The following SH3GL3 variants were observed in gnomAD, a reference collection of about 807,000 sequenced individuals.
SH3GL3 encodes SH3 domain containing GRB2 like 3, endophilin A3, also known as endophilin-A3.
A neutral mutation model predicts 47.7 loss-of-function variants in SH3GL3; 33 were observed. The ratio of observed to expected loss-of-function variants is 0.69; its 90% CI spans 0.52 to 0.92. The LOEUF is 0.92. Ranked by LOEUF, SH3GL3 falls within the 40% of genes least tolerant of loss-of-function variation. SH3GL3 has a pLI of 0.00. For missense variants in SH3GL3, 363 were observed against 417.8 expected (o/e 0.87, Z 1.14); for synonymous variants, 155 against 148.8 (o/e 1.04, Z -0.30).
At chr15:83,525,416 T>C (rs1322002925) in intron 1 of SH3GL3, among the ~76,000 whole-genome samples, 1 of 151,720 alleles carries the variant, frequency 6.6e-6, no homozygotes, top group Non-Finnish European at 1.5e-5. Flanking sequence ...AAATTCTGGA[T>C]ATTAGTTTCT....
intron 1 of SH3GL3, among the ~76,000 whole-genome samples, chr15:83,489,896 AGATAGATAATAGATAGATGATT>A (rs2041799374): frequency 6.6e-6 from 1 of 152,148 alleles, no homozygotes; most frequent in East Asian, 1.9e-4. Context: ...GATAATAGAT[AGATAGATAATAGATAGATGATT>A]GATAGATGAT....
intron 1 of SH3GL3, among the ~76,000 whole-genome samples, chr15:83,533,994 G>T (rs1267082470): frequency 3.3e-5 from 5 of 152,124 alleles, no homozygotes. Context: ...TGGTCCCAGG[G>T]TTTACCAGGC....
intron 1 of SH3GL3, among the ~76,000 whole-genome samples, chr15:83,467,273 TACC>T (rs2040611833): frequency 6.6e-6 from 1 of 152,258 alleles, no homozygotes; most frequent in South Asian, 2.1e-4. Context: ...CTTACTCCAG[TACC>T]ACGTGTTGCA....
At chr15:83,478,850 C>T (rs548270214) in intron 1 of SH3GL3, among the ~76,000 whole-genome samples, 1 of 152,222 alleles carries the variant, frequency 6.6e-6, no homozygotes, top group Non-Finnish European at 1.5e-5. Flanking sequence ...CCATAATAAA[C>T]GTGTAATAAA....
intron 1 of SH3GL3, among the ~76,000 whole-genome samples, chr15:83,558,505 A>G (rs72760358): frequency 7.8e-4 from 62 of 79,388 alleles, no homozygotes; most frequent in Non-Finnish European, 1.4e-3. Flanking sequence ...GTGTGTGTAT[A>G]TGTGTGTGTG....
intron 1 of SH3GL3, among the ~76,000 whole-genome samples, chr15:83,506,461 G>T (rs2042507371): frequency 6.6e-6 from 1 of 152,136 alleles, no homozygotes; most frequent in Non-Finnish European, 1.5e-5. Context: ...CCTACTTGTA[G>T]TTGTTGTGCT....
At chr15:83,597,713 G>A (rs1285907288) in intron 8 of SH3GL3, among the ~76,000 whole-genome samples, 2 of 151,848 alleles carry the variant, frequency 1.3e-5, no homozygotes, top group African/African-American at 2.4e-5. Flanking sequence ...AGGTTCAAGC[G>A]ATTCTCCTGC....
chr15:83,527,100 T>C (rs568777082), intron 1 of SH3GL3, among the ~76,000 whole-genome samples: 1 of 152,046 alleles, frequency 6.6e-6, no homozygotes, highest in African/African-American at 2.4e-5. Context: ...GATCTTAGAG[T>C]TTTTTGGTGT....
At chr15:83,598,152 C>T (rs1434997431) in intron 8 of SH3GL3, among the ~76,000 whole-genome samples, 1 of 152,082 alleles carries the variant, frequency 6.6e-6, no homozygotes, top group Non-Finnish European at 1.5e-5. Context: ...ATGGCACTGC[C>T]CTGACTTTCT....
downstream of SH3GL3, among the ~76,000 whole-genome samples, chr15:83,619,700 G>C (rs931719165): frequency 6.6e-6 from 1 of 152,196 alleles, no homozygotes; most frequent in African/African-American, 2.4e-5. Flanking sequence ...TGAGCCTTCA[G>C]CAAGGGGTAA....
At chr15:83,560,352 A>G (rs2045203104) in intron 2 of SH3GL3, among the ~76,000 whole-genome samples, 1 of 152,194 alleles carries the variant, frequency 6.6e-6, no homozygotes, top group African/African-American at 2.4e-5. Context: ...ATGTCTAGAA[A>G]TGTTAATGCC....
chr15:83,564,029 T>C (rs1412546486), intron 2 of SH3GL3, among the ~76,000 whole-genome samples: 4 of 152,208 alleles, frequency 2.6e-5, no homozygotes, highest in Non-Finnish European at 4.4e-5. Flanking sequence ...TCATGTTCAG[T>C]TTTTAAGTTT....
intron 1 of SH3GL3, among the ~76,000 whole-genome samples, chr15:83,542,819 C>G (rs2151704851): frequency 6.6e-6 from 1 of 152,100 alleles, no homozygotes; most frequent in Middle Eastern, 3.4e-3. Flanking sequence ...GATTTTGTAT[C>G]CTACAACTTT....
chr15:83,580,153 G>T (rs145203872), intron 6 of SH3GL3, among the ~76,000 whole-genome samples: 1 of 152,152 alleles, frequency 6.6e-6, no homozygotes, highest in Admixed American at 6.5e-5. Context: ...GTCACAACCC[G>T]CACGTCCAAC....
intron 7 of SH3GL3, among the ~76,000 whole-genome samples, chr15:83,587,886 A>G: frequency 6.6e-6 from 1 of 152,200 alleles, no homozygotes; most frequent in East Asian, 1.9e-4. Flanking sequence ...TTTTACTTAA[A>G]TCAATGACGT....
chr15:83,484,255 G>A (rs1273433921), intron 1 of SH3GL3, among the ~76,000 whole-genome samples: 2 of 152,156 alleles, frequency 1.3e-5, no homozygotes, highest in Non-Finnish European at 2.9e-5. Context: ...TTAAGAAGCA[G>A]GTAATTTATG....
intron 1 of SH3GL3, among the ~76,000 whole-genome samples, chr15:83,538,281 A>G (rs2044011628): frequency 6.6e-6 from 1 of 152,214 alleles, no homozygotes; most frequent in Admixed American, 6.5e-5. Context: ...ACTTCCTTCT[A>G]GAAGAATAAA....
Position 83,450,077 on chromosome 15 carries a change from C to T in SH3GL3, c.45+2499C>T, listed in dbSNP as rs563226884. On this transcript the variant is annotated intron_variant, in intron 1 of 8. Transcript: ENST00000427482. ...TCCAGGGATCTAGGTCTGGCTCAGCCACTGACCAGCTCTGTAACCTTGGGA... is the reference window on the plus strand; with the variant it reads ...TCCAGGGATCTAGGTCTGGCTCAGCTACTGACCAGCTCTGTAACCTTGGGA... Among the ~76,000 whole-genome samples, 175 of 152,320 alleles carry T rather than the reference C, an allele frequency of 1.1e-3. 1 individual carries two copies. The highest frequency in any genetic ancestry group is 4.1e-3 in the African/African-American group (171 of 41,562).
chr15:83,604,683 A>G (rs1332468986), intron 8 of SH3GL3, among the ~76,000 whole-genome samples: 1 of 152,242 alleles, frequency 6.6e-6, no homozygotes, highest in African/African-American at 2.4e-5. Flanking sequence ...TAGATATTGT[A>G]TAAATACTTT....
Sources: allele counts gnomAD v4.1 joint callset (sites outside exome capture counted in the v4.1 genomes callset), GRCh38; gene constraint gnomAD v4.1.1; transcripts MANE v1.5; gene names NCBI Gene and HGNC (gene_info 2026-07-23, HGNC 2026-07-21).